The following CDH13 variants were observed in gnomAD, a reference collection of about 807,000 sequenced individuals.
CDH13 encodes the protein cadherin-13.
In CDH13, 24 loss-of-function variants were observed where a neutral mutation model predicts 63.8. The observed-to-expected ratio is 0.38, with a 90% CI of 0.27 to 0.53. The LOEUF (loss-of-function observed/expected upper bound fraction) is 0.53, where lower values mean the gene tolerates loss of function less well. Ranked by LOEUF, CDH13 falls within the 20% of genes least tolerant of loss-of-function variation. CDH13 has a pLI of 0.85. For synonymous variants in CDH13, 503 were observed against 355.3 expected (o/e 1.42, Z -4.67); for missense variants, 1,049 against 903.1 (o/e 1.16, Z -2.07).
chr16:83,159,749 G>T (rs1340030238), intron 4 of CDH13, among the ~76,000 whole-genome samples: 2 of 152,124 alleles, frequency 1.3e-5, no homozygotes, highest in Non-Finnish European at 2.9e-5. Context: ...ATATAAAACT[G>T]TACCACATTG....
At chr16:83,364,647 C>T (rs1363166094) in intron 6 of CDH13, among the ~76,000 whole-genome samples, 1 of 152,114 alleles carries the variant, frequency 6.6e-6, no homozygotes, top group Non-Finnish European at 1.5e-5. Flanking sequence ...GTCTAGGGAC[C>T]AGTGAAAGTA....
At chr16:83,773,001 A>G (rs1318221798) in intron 11 of CDH13, 2 of 152,268 alleles carry the variant, frequency 1.3e-5, no homozygotes, top group African/African-American at 4.8e-5. Context: ...GCTAATGGAA[A>G]AGTACTGGAA....
At chr16:83,328,607 T>C (rs1455849283) in intron 5 of CDH13, among the ~76,000 whole-genome samples, 1 of 152,106 alleles carries the variant, frequency 6.6e-6, no homozygotes. Context: ...GGGTAAGAGA[T>C]GGTGGCTTGG....
At chr16:82,730,633 A>G (rs1266555209) in intron 1 of CDH13, among the ~76,000 whole-genome samples, 1 of 152,264 alleles carries the variant, frequency 6.6e-6, no homozygotes. Context: ...GACACAGACA[A>G]GAAGTGAGCA....
intron 6 of CDH13, among the ~76,000 whole-genome samples, chr16:83,386,166 G>A (rs2091670352): frequency 1.3e-5 from 2 of 152,208 alleles, no homozygotes; most frequent in South Asian, 4.1e-4. Context: ...TATTTGAAAT[G>A]GTGCTGAATT....
chr16:83,784,774 C>G (rs1915767361), intron 13 of CDH13, among the ~76,000 whole-genome samples: 2 of 152,140 alleles, frequency 1.3e-5, no homozygotes, highest in Non-Finnish European at 1.5e-5. Context: ...TGTACCACCA[C>G]CATCATCATC....
chr16:83,498,716 A>G (rs1170480171), intron 7 of CDH13, among the ~76,000 whole-genome samples: 1 of 152,238 alleles, frequency 6.6e-6, no homozygotes, highest in Non-Finnish European at 1.5e-5. Flanking sequence ...AATATTATTG[A>G]TATTTATATG....
At chr16:83,341,989 C>CCACACACACACA (rs756844839) in intron 5 of CDH13, among the ~76,000 whole-genome samples, 5,421 of 137,886 alleles carry the variant, frequency 0.039, 121 homozygotes, top group Middle Eastern at 0.058. Context: ...GTGTCCCCTG[C>CCACACACACACA]CACACACACA....
chr16:82,664,026 G>T (rs1041148816), intron 1 of CDH13, among the ~76,000 whole-genome samples: 8 of 152,206 alleles, frequency 5.3e-5, no homozygotes, highest in African/African-American at 1.9e-4. Flanking sequence ...GGACCACGAG[G>T]CAGTGACTTT....
intron 5 of CDH13, among the ~76,000 whole-genome samples, chr16:83,250,645 T>C (rs187112363): frequency 6.6e-6 from 1 of 152,156 alleles, no homozygotes; most frequent in East Asian, 1.9e-4. Context: ...GAGTTGGTCG[T>C]GGTGGTAGAA....
intron 7 of CDH13, among the ~76,000 whole-genome samples, chr16:83,590,360 C>T (rs2150735233): frequency 6.6e-6 from 1 of 152,234 alleles, no homozygotes; most frequent in South Asian, 2.1e-4. Context: ...GAGGTAAAAT[C>T]AGGAGCACTG....
intron 8 of CDH13, among the ~76,000 whole-genome samples, chr16:83,652,266 G>A (rs1031111650): frequency 3.3e-5 from 5 of 152,226 alleles, no homozygotes; most frequent in Non-Finnish European, 7.3e-5. Context: ...AGTCAATTCC[G>A]TGTATGAATT....
At chr16:83,000,586 T>TG (rs1555558681) in intron 2 of CDH13, among the ~76,000 whole-genome samples, 23 of 149,676 alleles carry the variant, frequency 1.5e-4, no homozygotes, top group East Asian at 6.0e-4. Context: ...TTTTTTTTTT[T>TG]TTTTGTTTTG....
At chr16:83,076,241 A>G (rs1275888857) in intron 3 of CDH13, among the ~76,000 whole-genome samples, 1 of 152,254 alleles carries the variant, frequency 6.6e-6, no homozygotes, top group Non-Finnish European at 1.5e-5. Context: ...TTCCAAAAAG[A>G]AAATGATAGA....
intron 4 of CDH13, among the ~76,000 whole-genome samples, chr16:83,182,300 C>T (rs542714465): frequency 6.6e-6 from 1 of 152,190 alleles, no homozygotes; most frequent in Admixed American, 6.5e-5. Context: ...GCTCTGGTCT[C>T]CAGCTAAGGC....
rs758191675 is a variant in CDH13, at chr16:83,486,503, T to A, written c.808T>A (p.Phe270Ile). The change falls in exon 7 of 14, where the codon TTT becomes ATT. Residue 270 changes from phenylalanine (F) to isoleucine (I), a missense_variant. Coordinates refer to ENST00000567109, the MANE Select transcript of CDH13 (RefSeq NM_001257.5). ...CACCACAGTGATGCGGATGACAGCC[T>A]TTGATGCAGATGACCCAGCCACCGA... ...TGTTVMRMTA[F>I]DADDPATDNA... The A allele has an allele frequency of 2.5e-6, 4 of 1,613,766 alleles. No homozygotes were observed. Among genetic ancestry groups the A allele is most frequent in the Non-Finnish European group, 3.4e-6 (4 of 1,179,774 alleles).
chr16:83,370,235 A>G (rs1451324200), intron 6 of CDH13, among the ~76,000 whole-genome samples: 2 of 152,094 alleles, frequency 1.3e-5, no homozygotes, highest in Non-Finnish European at 1.5e-5. Flanking sequence ...AAAAATAGAA[A>G]AAATTAGCCG....
At chr16:83,604,422 G>T (rs375915307) in intron 8 of CDH13, among the ~76,000 whole-genome samples, 1 of 152,118 alleles carries the variant, frequency 6.6e-6, no homozygotes, top group African/African-American at 2.4e-5. Flanking sequence ...TTACACCACC[G>T]GGGTGGGGAT....
chr16:83,676,950 C>G (rs1379592944), intron 9 of CDH13, among the ~76,000 whole-genome samples: 3 of 152,264 alleles, frequency 2.0e-5, no homozygotes, highest in African/African-American at 7.2e-5. Flanking sequence ...CCACTGCAAC[C>G]TCTACAACTG....
Sources: allele counts gnomAD v4.1 joint callset (sites outside exome capture counted in the v4.1 genomes callset), GRCh38; gene constraint gnomAD v4.1.1; transcripts MANE v1.5; gene names NCBI Gene and HGNC (gene_info 2026-07-23, HGNC 2026-07-21).